HECW1: variants seen among roughly 807,000 people sequenced by gnomAD.
The protein encoded by HECW1 is HECT, C2 and WW domain containing E3 ubiquitin protein ligase 1, also known as E3 ubiquitin-protein ligase HECW1.
In HECW1, 61 loss-of-function variants were observed where a neutral mutation model predicts 182.3. The ratio of observed to expected loss-of-function variants is 0.33; its 90% confidence interval spans 0.27 to 0.41. HECW1 has a LOEUF of 0.41. Among genes scored for constraint, HECW1 ranks in the 10% least tolerant of loss-of-function variants. The pLI is 1.00. For synonymous variants in HECW1, 859 were observed against 832.6 expected (o/e 1.03, Z -0.55); for missense variants, 1,739 against 2,108.9 (o/e 0.82, Z 3.44).
At chr7:43,448,844 ATC>A (rs770010563) in intron 11 of HECW1, among the ~76,000 whole-genome samples, 9 of 152,240 alleles carry the variant, frequency 5.9e-5, no homozygotes, top group Non-Finnish European at 1.0e-4. Context: ...TGAGGAATAG[ATC>A]TCTTTCTGGG....
chr7:43,274,365 G>A (rs1213506889), intron 3 of HECW1: 13 of 669,660 alleles, frequency 1.9e-5, no homozygotes, highest in Non-Finnish European at 3.3e-5. Flanking sequence ...AGGTGTTTGA[G>A]AAGGTCCCCC....
rs575224943 is a variant in HECW1, at chr7:43,427,081, T to C, written c.802-10922T>C. Among the ~76,000 whole-genome samples the C allele has an allele frequency of 1.3e-3, 199 of 152,322 alleles. 1 individual carries two copies. Among genetic ancestry groups the C allele is most frequent in the Admixed American group, 2.6e-3 (40 of 15,294 alleles). ...GGTTGCTAAGCTCTCTAAGTCTTTG[T>C]ATATTTGAAAATGTTTTTATTTTTA... On this transcript the variant is annotated intron_variant, in intron 8 of 29. Transcript: ENST00000395891.
chr7:43,456,746 G>A (rs2152889016), intron 13 of HECW1, among the ~76,000 whole-genome samples: 1 of 152,310 alleles, frequency 6.6e-6, no homozygotes, highest in African/African-American at 2.4e-5. Flanking sequence ...CTCCTGCGAT[G>A]TTCACCAAGG....
chr7:43,131,552 A>G (rs552484553), intron 2 of HECW1, among the ~76,000 whole-genome samples: 2 of 152,334 alleles, frequency 1.3e-5, no homozygotes, highest in East Asian at 1.9e-4. Flanking sequence ...TGGTATTTCC[A>G]TAGAAATGAT....
chr7:43,478,792 AAG>A (rs1457156191), intron 16 of HECW1, among the ~76,000 whole-genome samples: 1 of 152,140 alleles, frequency 6.6e-6, no homozygotes, highest in African/African-American at 2.4e-5. Context: ...TATAATAAAA[AAG>A]AGCATTTATC....
Position 43,447,515 on chromosome 7 carries a change from C to T in HECW1, c.2398+1945C>T, listed in dbSNP as rs566950848. ...GGTTAAGAAGCACCTACATGCTTCA[C>T]TATGGCGATCACAAGGGGAAATAAA... is the stretch of plus-strand genomic sequence containing the variant. On this transcript the variant is annotated intron_variant, in intron 11 of 29. Transcript: ENST00000395891. 1.1e-3 allele frequency among the ~76,000 whole-genome samples: 166 copies of T among 152,300 alleles called. 4 individuals are homozygous for T. The South Asian group carries it at 0.034, about 31-fold the overall frequency.
Position 43,496,124 on chromosome 7 carries a change from AT to A in HECW1, c.3437+2946del, listed in dbSNP as rs138100469. Among the ~76,000 whole-genome samples the A allele has an allele frequency of 2.8e-3, 431 of 151,736 alleles. 6 individuals are homozygous for A. The East Asian group carries it at 0.034, about 12-fold the overall frequency. Reference sequence around the variant, plus strand: ...TTTTGTTGCAATATGGGATTGTACAATTATGATTTTGCAGAGCTGGGGGAAC... The same window carrying A: ...TTTTGTTGCAATATGGGATTGTACAATATGATTTTGCAGAGCTGGGGGAAC... On this transcript the variant is annotated intron_variant, in intron 19 of 29. Transcript: ENST00000395891.
intron 3 of HECW1, among the ~76,000 whole-genome samples, chr7:43,246,661 T>G (rs1479147874): frequency 6.6e-6 from 1 of 152,224 alleles, no homozygotes; most frequent in Non-Finnish European, 1.5e-5. Flanking sequence ...GACAAGTATC[T>G]TGTCACCCAA....
At chr7:43,500,060 C>T (rs1248565082) in intron 19 of HECW1, among the ~76,000 whole-genome samples, 2 of 151,736 alleles carry the variant, frequency 1.3e-5, no homozygotes, top group African/African-American at 4.8e-5. Context: ...GCAACTCACT[C>T]TTTCCTCCCA....
At chr7:43,316,901 C>A (rs1809387992) in intron 4 of HECW1, among the ~76,000 whole-genome samples, 1 of 149,112 alleles carries the variant, frequency 6.7e-6, no homozygotes, top group African/African-American at 2.5e-5. Context: ...TTCCCAGACT[C>A]CCATGCAGCC....
intron 2 of HECW1, among the ~76,000 whole-genome samples, chr7:43,216,450 A>T (rs1037390207): frequency 2.6e-5 from 4 of 152,084 alleles, no homozygotes; most frequent in African/African-American, 9.7e-5. Flanking sequence ...CAGCCGAAGC[A>T]GGTTTTTAAT....
intron 2 of HECW1, among the ~76,000 whole-genome samples, chr7:43,201,132 C>G (rs1794984957): frequency 1.3e-5 from 2 of 152,184 alleles, no homozygotes; most frequent in South Asian, 4.1e-4. Context: ...AGGCTGGACT[C>G]AAATCCATCA....
intron 24 of HECW1, among the ~76,000 whole-genome samples, chr7:43,520,840 ATCTAC>A (rs2152938397): frequency 6.6e-6 from 1 of 152,160 alleles, no homozygotes; most frequent in Non-Finnish European, 1.5e-5. Flanking sequence ...CACTGCTCTA[ATCTAC>A]TGTCTGCGTC....
chr7:43,528,538 T>G (rs1292239454), intron 24 of HECW1, among the ~76,000 whole-genome samples: 2 of 152,230 alleles, frequency 1.3e-5, no homozygotes, highest in Non-Finnish European at 2.9e-5. Context: ...GGTTTTTCAT[T>G]GAATTGAAGA....
intron 23 of HECW1, 99 bp from the exon 24 acceptor site, chr7:43,508,870 G>A: frequency 7.7e-7 from 1 of 1,290,442 alleles, no homozygotes; most frequent in South Asian, 1.4e-5. Context: ...GCTTTCCCCA[G>A]CACCCAACTC....
chr7:43,192,799 C>T (rs186490173), intron 2 of HECW1, among the ~76,000 whole-genome samples: 6 of 152,268 alleles, frequency 3.9e-5, no homozygotes, highest in South Asian at 2.1e-4. Context: ...TGTCACAGGG[C>T]GAACCCCAAA....
chr7:43,507,087 G>A, intron 21 of HECW1, 50 bp from the exon 22 acceptor site: 1 of 1,579,476 alleles, frequency 6.3e-7, no homozygotes, highest in Non-Finnish European at 8.6e-7. Flanking sequence ...AAAAAAAGAA[G>A]AAGAAGAAGA....
rs35096209 is a variant in HECW1, at chr7:43,432,145, CT to C, written c.802-5846del. 0.29 allele frequency among the ~76,000 whole-genome samples: 41,655 copies of C among 144,238 alleles called. 6,779 individuals carry two copies. The highest frequency in any genetic ancestry group is 0.72 in the East Asian group (3,444 of 4,812). The allele number at this position is 144,238 out of a possible 152,430, so 94.6% of individuals were successfully genotyped here. On this transcript the variant is annotated intron_variant, in intron 8 of 29. Coordinates refer to ENST00000395891, the MANE Select transcript of HECW1 (RefSeq NM_015052.5). The surrounding 1 kb of genome is among the most constrained non-coding windows in gnomAD (Gnocchi z 4.1). ...ACCCGGCCAGTTGTTTATTTTATTTCTTTTTTTTTTTTGAGACGGAGTCTCG... is the reference window on the plus strand; with the variant it reads ...ACCCGGCCAGTTGTTTATTTTATTTCTTTTTTTTTTTGAGACGGAGTCTCG...
chr7:43,389,619 CTGTTGTTGT>C (rs78728195), intron 6 of HECW1, among the ~76,000 whole-genome samples: 5 of 151,530 alleles, frequency 3.3e-5, no homozygotes, highest in East Asian at 1.9e-4. Flanking sequence ...ATTGTTGTTG[CTGTTGTTGT>C]TGTTGTTGTT....
Sources: gnomAD v4.1 joint callset for allele counts (sites outside exome capture counted in the v4.1 genomes callset) on GRCh38, gnomAD v4.1.1 for gene constraint, Gnocchi (gnomAD v3.1) non-coding constraint, MANE v1.5 for transcripts, NCBI Gene and HGNC (gene_info 2026-07-23, HGNC 2026-07-21) for gene names.